The following DENND4C variants were observed in gnomAD, a reference collection of about 807,000 sequenced individuals.
DENND4C encodes the protein DENN domain containing 4C.
In DENND4C, 108 loss-of-function variants were observed where a neutral mutation model predicts 203.0. The observed-to-expected ratio is 0.53, with a 90% CI of 0.46 to 0.62. The LOEUF is 0.62. Among genes scored for constraint, DENND4C ranks in the 20% least tolerant of loss-of-function variants. The probability of loss-of-function intolerance (pLI) is 0.00; values close to 1 mark genes in which losing one functional copy is unlikely to be tolerated. For synonymous variants in DENND4C, 871 were observed against 792.4 expected, an observed-to-expected ratio of 1.10 and a Z score of -1.67; for missense variants, 2,481 against 2,301.2, an observed-to-expected ratio of 1.08 and a Z score of -1.60.
rs755926075 is a variant in DENND4C at position 19,373,735 on chromosome 9, TTG to T, written c.*1570_*1571del. ...TGCATGGTTTAAAAAGCCATTGGTT[TTG>T]TGTGTGTTTACAGTAATTATGCAGA... On this transcript the variant is annotated 3_prime_UTR_variant, in exon 33 of 33. Coordinates refer to ENST00000434457, the MANE Select transcript of DENND4C (RefSeq NM_001330640.2). Among the ~76,000 whole-genome samples, 19 of 152,284 alleles carry T rather than the reference TTG, an allele frequency of 1.2e-4. No individual in the cohort carries two copies. Among genetic ancestry groups the T allele is most frequent in the East Asian group, 3.9e-4 (2 of 5,186 alleles).
intron 19 of DENND4C, 131 bp from the exon 20 acceptor site, chr9:19,336,555 A>T: frequency 1.4e-6 from 2 of 1,431,768 alleles, no homozygotes; most frequent in Non-Finnish European, 1.8e-6. Flanking sequence ...TCTTAGTCCA[A>T]AATTATTTTT....
intron 9 of DENND4C, 147 bp from the exon 10 acceptor site, chr9:19,305,205 A>T (rs193016009): frequency 1.6e-6 from 1 of 627,946 alleles, no homozygotes; most frequent in Non-Finnish European, 2.7e-6. Context: ...GTAGTATTTT[A>T]TAGTCATTTA....
In DENND4C at chr9:19,372,239, G is replaced by T. The variant is rs1266042680; in HGVS notation, c.*66G>T. 2.6e-6 allele frequency: 4 copies of T among 1,533,218 alleles called. No homozygotes were observed. Among genetic ancestry groups the T allele is most frequent in the South Asian group, 1.2e-5 (1 of 80,466 alleles). The allele number at this position is 1,533,218 out of a possible 1,614,324, so 95.0% of individuals were successfully genotyped here. On this transcript the variant is annotated 3_prime_UTR_variant, in exon 33 of 33. Transcript: ENST00000434457. ...TTAGATTTCATCTGGAAACATTCAA[G>T]TTTTTTTTTCCAAATCGTAAGAACT...
chr9:19,235,840 C>T (rs7869439), intron 1 of DENND4C, among the ~76,000 whole-genome samples: 5,357 of 152,012 alleles, frequency 0.035, 324 homozygotes, highest in African/African-American at 0.12. Context: ...CCTTGTGATC[C>T]GCCCGCCTTG....
chr9:19,318,070 A>G (rs1425123569), intron 12 of DENND4C, among the ~76,000 whole-genome samples: 6 of 152,208 alleles, frequency 3.9e-5, no homozygotes, highest in Non-Finnish European at 7.3e-5. Flanking sequence ...TGTAATCCCA[A>G]CACTTTGGGA....
intron 1 of DENND4C, among the ~76,000 whole-genome samples, chr9:19,265,090 C>A (rs1321478176): frequency 6.6e-6 from 1 of 152,174 alleles, no homozygotes; most frequent in Admixed American, 6.6e-5. Flanking sequence ...ATTACAGCCA[C>A]TGCCACCTTG....
chr9:19,366,464 C>T (rs1430386313), intron 30 of DENND4C, among the ~76,000 whole-genome samples: 1 of 152,086 alleles, frequency 6.6e-6, no homozygotes, highest in African/African-American at 2.4e-5. Context: ...ATTAGCCAGG[C>T]GTGGTGGCGG....
intron 24 of DENND4C, among the ~76,000 whole-genome samples, chr9:19,351,550 G>A (rs1314878362): frequency 6.6e-6 from 1 of 152,122 alleles, no homozygotes; most frequent in African/African-American, 2.4e-5. Flanking sequence ...GCTCATGCCT[G>A]TAATCCTAGC....
intron 1 of DENND4C, among the ~76,000 whole-genome samples, chr9:19,256,305 T>G (rs1040199848): frequency 1.4e-5 from 1 of 72,158 alleles, no homozygotes; most frequent in Non-Finnish European, 2.7e-5. Context: ...CTGTTTTTTT[T>G]TTTGTTTTTT....
chr9:19,238,052 C>G (rs1383584117), intron 1 of DENND4C, among the ~76,000 whole-genome samples: 1 of 151,690 alleles, frequency 6.6e-6, no homozygotes, highest in Non-Finnish European at 1.5e-5. Context: ...AGGGAAGACC[C>G]CTCCTTGACT....
intron 12 of DENND4C, among the ~76,000 whole-genome samples, chr9:19,323,327 G>T (rs924037824): frequency 6.6e-6 from 1 of 152,028 alleles, no homozygotes; most frequent in African/African-American, 2.4e-5. Context: ...CTACTCAGGA[G>T]GCTGAGGCAG....
chr9:19,318,313 C>G (rs1291314614), intron 12 of DENND4C, among the ~76,000 whole-genome samples: 1 of 151,638 alleles, frequency 6.6e-6, no homozygotes, highest in Non-Finnish European at 1.5e-5. Context: ...GAGTGAAACT[C>G]CATCTCAAAA....
chr9:19,300,032 T>C (rs990383796), intron 8 of DENND4C, among the ~76,000 whole-genome samples, 155 bp from the exon 9 acceptor site: 1 of 152,254 alleles, frequency 6.6e-6, no homozygotes, highest in Non-Finnish European at 1.5e-5. Context: ...CACCCCGTTA[T>C]CTATCTTATT....
At chr9:19,271,823 C>T (rs4977523) in intron 1 of DENND4C, among the ~76,000 whole-genome samples, 10,009 of 149,590 alleles carry the variant, frequency 0.067, 492 homozygotes, top group Admixed American at 0.13. Flanking sequence ...GAGTTGAGAT[C>T]GCGCCATTGC....
chr9:19,234,561 C>A (rs1011346237), intron 1 of DENND4C, among the ~76,000 whole-genome samples: 2 of 118,988 alleles, frequency 1.7e-5, no homozygotes, highest in Non-Finnish European at 3.3e-5. Flanking sequence ...TTAACACGGT[C>A]TCACTTTGTC....
At position 19,370,066 on chromosome 9, in the gene DENND4C, C is replaced by T. The variant is rs755391716; in HGVS notation, c.5675+79C>T. 5.3e-6 allele frequency: 8 copies of T among 1,522,906 alleles called. No individual in the cohort carries two copies. The East Asian group carries it at 1.6e-4, about 31-fold the overall frequency. The allele number at this position is 1,522,906 out of a possible 1,614,324, so 94.3% of individuals were successfully genotyped here. On this transcript the variant is annotated intron_variant, in intron 31 of 32. Coordinates refer to ENST00000434457, the MANE Select transcript of DENND4C (RefSeq NM_001330640.2). ...AAAAATATCTTACTTTTAAAAATATCTCTAGTTGTCGAAGAAACACATACT... is the reference window on the plus strand; with the variant it reads ...AAAAATATCTTACTTTTAAAAATATTTCTAGTTGTCGAAGAAACACATACT...
At chr9:19,274,213 T>C (rs1416191903) in intron 1 of DENND4C, among the ~76,000 whole-genome samples, 2 of 151,950 alleles carry the variant, frequency 1.3e-5, no homozygotes, top group Non-Finnish European at 2.9e-5. Flanking sequence ...TTATCTATAA[T>C]GATAGGAAGC....
intron 2 of DENND4C, among the ~76,000 whole-genome samples, chr9:19,278,580 A>G (rs1389264675): frequency 2.0e-5 from 3 of 152,224 alleles, no homozygotes; most frequent in Non-Finnish European, 4.4e-5. Context: ...TCCACGAAGG[A>G]GTGTGTAACA....
Position 19,358,109 on chromosome 9 carries a change from G to A in DENND4C, c.5109G>A (p.Pro1703=), listed in dbSNP as rs757428792. 14 of 1,613,740 alleles carry A rather than the reference G, an allele frequency of 8.7e-6. No individual in the cohort carries two copies. The East Asian group carries it at 2.0e-4, about 23-fold the overall frequency. ...AGAATATTGACTTTACCCAGCGACC[G>A]TTTCATGGCATCTCAACAGTTAGTC... The part of the protein sequence containing the change: ...PLQNIDFTQR[P]FHGISTVSLP... Residue 1703 remains proline, a synonymous_variant, in exon 28 of 33, where the codon CCG becomes CCA. Coordinates refer to ENST00000434457, the MANE Select transcript of DENND4C (RefSeq NM_001330640.2). This position sits in a 1 kb window ranked among gnomAD's most constrained non-coding sequence, Gnocchi z 4.8.
Sources: allele counts gnomAD v4.1 joint callset (sites outside exome capture counted in the v4.1 genomes callset), GRCh38; gene constraint gnomAD v4.1.1; non-coding constraint Gnocchi (gnomAD v3.1); transcripts MANE v1.5; gene names NCBI Gene and HGNC (gene_info 2026-07-23, HGNC 2026-07-21).